Variants in REV1 observed in about 807,000 individuals in gnomAD.
REV1 encodes REV1 DNA directed polymerase.
A neutral mutation model predicts 137.4 loss-of-function variants in REV1; 42 were observed. The observed-to-expected ratio is 0.31, with a 90% confidence interval of 0.24 to 0.40. The LOEUF (loss-of-function observed/expected upper bound fraction) is 0.40. Ranked by LOEUF, REV1 falls within the 10% of genes least tolerant of loss-of-function variation. The pLI, the probability that REV1 is intolerant of heterozygous loss-of-function variation, is 1.00. For synonymous variants in REV1, 524 were observed against 519.2 expected, an observed-to-expected ratio of 1.01 and a Z score of -0.12; for missense variants, 1,282 against 1,490.1, an observed-to-expected ratio of 0.86 and a Z score of 2.30.
intron 10 of REV1, among the ~76,000 whole-genome samples, chr2:99,423,476 C>T (rs559211105): frequency 6.6e-6 from 1 of 152,344 alleles, no homozygotes; most frequent in South Asian, 2.1e-4. Context: ...GAAACTTTAT[C>T]TGGCTCCCTT....
chr2:99,444,055 C>G (rs941346829), intron 4 of REV1, among the ~76,000 whole-genome samples: 5 of 152,192 alleles, frequency 3.3e-5, no homozygotes, highest in Admixed American at 3.3e-4. Context: ...CTCCTGACCT[C>G]GTGATCCACC....
At chr2:99,418,320 T>C (rs147990696) in intron 12 of REV1, among the ~76,000 whole-genome samples, 3 of 152,284 alleles carry the variant, frequency 2.0e-5, no homozygotes, top group African/African-American at 4.8e-5. Flanking sequence ...TTTCCATGAG[T>C]GGAGTTAATT....
intron 7 of REV1, 46 bp downstream of exon 7, chr2:99,435,788 T>G: frequency 1.1e-6 from 1 of 932,594 alleles, no homozygotes; most frequent in South Asian, 1.5e-5. Flanking sequence ...AATATATATT[T>G]ATAACAATAT....
Position 99,439,069 on chromosome 2 carries a change from C to T in REV1, c.745G>A (p.Val249Ile), listed in dbSNP as rs771619385. Residue 249 changes from valine to isoleucine, a missense_variant, in exon 6 of 23, where the codon GTT becomes ATT. By Grantham distance (29) the Val-to-Ile change is conservative. Around this residue, in one of 7 missense-constraint regions of REV1, gnomAD observed 432 missense variants for 438.0 expected, o/e 0.99. Transcript: ENST00000258428. ...AAGGCTGGAGAAAGCCTGCTGGCAACACTGTTGACCATGGGCACCAAGCAA... is the reference window on the plus strand; with the variant it reads ...AAGGCTGGAGAAAGCCTGCTGGCAATACTGTTGACCATGGGCACCAAGCAA... ...QDCLVPMVNSVASRLSPAFSQ... is the reference protein window; with the variant it reads ...QDCLVPMVNSIASRLSPAFSQ... The T allele has an allele frequency of 6.7e-5, 108 of 1,613,996 alleles. No homozygotes were observed. Among genetic ancestry groups the T allele is most frequent in the Non-Finnish European group, 9.1e-5 (107 of 1,179,988 alleles).
chr2:99,455,884 G>A (rs1013187432), intron 3 of REV1, among the ~76,000 whole-genome samples: 2 of 151,898 alleles, frequency 1.3e-5, no homozygotes, highest in South Asian at 2.1e-4. Flanking sequence ...GTACTTGTCC[G>A]GGCCCCCCTC....
At chr2:99,403,229 GC>G (rs1675753303) in intron 19 of REV1, 123 bp from the exon 20 acceptor site, 24 of 766,178 alleles carry the variant, frequency 3.1e-5, no homozygotes, top group Middle Eastern at 3.8e-4. Flanking sequence ...CTCCCCTCCT[GC>G]CCCAAGTGAG....
chr2:99,409,668 AC>A (rs1676822336), intron 14 of REV1, among the ~76,000 whole-genome samples: 1 of 152,036 alleles, frequency 6.6e-6, no homozygotes, highest in African/African-American at 2.4e-5. Context: ...ACATAGTGAA[AC>A]CCTATCTCTA....
At position 99,409,046 on chromosome 2, in the gene REV1, T is replaced by C. The variant is rs187751193; in HGVS notation, c.2346-915A>G. 2.6e-5 allele frequency among the ~76,000 whole-genome samples: 4 copies of C among 152,176 alleles called. No homozygotes were observed. The East Asian group carries it at 7.7e-4, about 29-fold the overall frequency. On this transcript the variant is annotated intron_variant, in intron 14 of 22. Transcript: ENST00000258428. ...GCTCACACCTGTAATCCCAAAACGC[T>C]GGGAGGTCAAGGCAAAAGGATTGTT...
rs189939896 is a variant in REV1 at position 99,470,911 on chromosome 2, C to T, written c.-10-5926G>A. 2.0e-3 allele frequency among the ~76,000 whole-genome samples: 306 copies of T among 152,306 alleles called. 2 individuals are homozygous for T. Among genetic ancestry groups the T allele is most frequent in the African/African-American group, 7.2e-3 (298 of 41,564 alleles). ...TTGCTGAGGAAATTAAATTTATGTT[C>T]AAGTGCTACTTCTTTACAGCACCAG... On this transcript the variant is annotated intron_variant, in intron 1 of 22. Transcript: ENST00000258428.
chr2:99,436,996 T>TG (rs1028007108), intron 6 of REV1, among the ~76,000 whole-genome samples: 29 of 151,190 alleles, frequency 1.9e-4, no homozygotes, highest in African/African-American at 4.8e-4. Flanking sequence ...TTTTGTTTTT[T>TG]TTTTTTTTTT....
intron 1 of REV1, among the ~76,000 whole-genome samples, chr2:99,485,418 A>G (rs1049387139): frequency 2.6e-5 from 4 of 152,222 alleles, no homozygotes; most frequent in Admixed American, 2.0e-4. Context: ...TGAGGGGAAA[A>G]ACCCAGTGAA....
chr2:99,430,322 G>A (rs538975569), intron 8 of REV1, among the ~76,000 whole-genome samples: 10 of 152,126 alleles, frequency 6.6e-5, no homozygotes, highest in Admixed American at 5.2e-4. Context: ...TACAGCTCTC[G>A]GTAGTGGGGA....
Position 99,489,993 on chromosome 2 carries a change from C to T in REV1, c.-187G>A, listed in dbSNP as rs1163363590. On this transcript the variant is annotated 5_prime_UTR_variant, in exon 1 of 23. Transcript: ENST00000258428. ...GCTCCCCCACGCTCGCGGCAACCAA[C>T]CCCGCGCGCGCTCCGCGGTGGCTCT... 5 of 149,926 alleles carry T rather than the reference C, an allele frequency of 3.3e-5. No homozygotes were observed. The highest frequency in any genetic ancestry group is 6.6e-5 in the Admixed American group (1 of 15,080). The allele number at this position is 149,926 out of a possible 1,614,324, so 9.3% of individuals were successfully genotyped here.
intron 1 of REV1, among the ~76,000 whole-genome samples, chr2:99,481,745 T>C (rs1232028939): frequency 6.6e-6 from 1 of 152,058 alleles, no homozygotes; most frequent in Non-Finnish European, 1.5e-5. Flanking sequence ...GGTGTGTGCC[T>C]GTAGTCCTAG....
chr2:99,474,004 T>G (rs543619705), intron 1 of REV1, among the ~76,000 whole-genome samples: 2 of 152,362 alleles, frequency 1.3e-5, no homozygotes, highest in African/African-American at 4.8e-5. Context: ...TCGTGTTTAT[T>G]GCAGAAAATT....
At chr2:99,452,051 G>A (rs1379204516) in intron 3 of REV1, among the ~76,000 whole-genome samples, 1 of 151,798 alleles carries the variant, frequency 6.6e-6, no homozygotes, top group Non-Finnish European at 1.5e-5. Context: ...GAACATACAC[G>A]ATAACTGCAG....
At chr2:99,453,974 A>C (rs1443994600) in intron 3 of REV1, among the ~76,000 whole-genome samples, 1 of 151,546 alleles carries the variant, frequency 6.6e-6, no homozygotes, top group Non-Finnish European at 1.5e-5. Flanking sequence ...TTTACAATCA[A>C]TGTCACTGTT....
intron 6 of REV1, among the ~76,000 whole-genome samples, chr2:99,436,980 CTTTT>C (rs898496297): frequency 3.2e-4 from 46 of 145,778 alleles, no homozygotes; most frequent in African/African-American, 9.3e-4. Flanking sequence ...TCTCCCCCAA[CTTTT>C]TTTTTGTTTT....
At chr2:99,450,842 C>G (rs1682844104) in intron 3 of REV1, among the ~76,000 whole-genome samples, 1 of 152,146 alleles carries the variant, frequency 6.6e-6, no homozygotes, top group African/African-American at 2.4e-5. Flanking sequence ...TACAACGCAT[C>G]TCAATTTAGA....
Sources: allele counts gnomAD v4.1 joint callset (sites outside exome capture counted in the v4.1 genomes callset), GRCh38; gene constraint gnomAD v4.1.1; regional missense constraint gnomAD v4.1.1; transcripts MANE v1.5; gene names NCBI Gene and HGNC (gene_info 2026-07-23, HGNC 2026-07-21).